KATNAL1: variants seen among roughly 807,000 people sequenced by gnomAD.
The protein encoded by KATNAL1 is katanin catalytic subunit A1 like 1, also known as katanin p60 ATPase-containing subunit A-like 1.
A neutral mutation model predicts 55.2 loss-of-function variants in KATNAL1; 32 were observed. The ratio of observed to expected loss-of-function variants is 0.58; its 90% CI spans 0.44 to 0.78. The LOEUF is 0.78. Ranked by LOEUF, KATNAL1 falls within the 30% of genes least tolerant of loss-of-function variation. The pLI is 0.00. For synonymous variants in KATNAL1, 193 were observed against 193.6 expected (o/e 1.00, Z 0.02); for missense variants, 466 against 600.9 (o/e 0.78, Z 2.35).
At chr13:30,269,480 G>A (rs1028029075) in intron 3 of KATNAL1, among the ~76,000 whole-genome samples, 2 of 152,190 alleles carry the variant, frequency 1.3e-5, no homozygotes, top group Non-Finnish European at 2.9e-5. Context: ...TGCAGTCTCT[G>A]CCCGGCCGCC....
chr13:30,265,095 T>C (rs1449092087), intron 3 of KATNAL1, among the ~76,000 whole-genome samples: 2 of 150,940 alleles, frequency 1.3e-5, no homozygotes, highest in African/African-American at 2.4e-5. Flanking sequence ...AAATTGGAAA[T>C]CATCATTCTC....
rs1052966291 is a variant in KATNAL1, at chr13:30,207,040, CTCTT to C, written c.*1496_*1499del. Reference sequence around the variant, plus strand: ...TTTTAGCAGGGAAAAATAATCAAATCTCTTTTTTTAAAAAAAACCTTCTTAGTAT... The same window carrying C: ...TTTTAGCAGGGAAAAATAATCAAATCTTTTTAAAAAAAACCTTCTTAGTAT... On this transcript the variant is annotated 3_prime_UTR_variant, in exon 11 of 11. Coordinates refer to ENST00000380615, the MANE Select transcript of KATNAL1 (RefSeq NM_032116.5). 2.0e-5 allele frequency: 3 copies of C among 152,128 alleles called. No individual in the cohort carries two copies. The highest frequency in any genetic ancestry group is 6.5e-5 in the Admixed American group (1 of 15,278). The allele number at this position is 152,128 out of a possible 1,614,324, so 9.4% of individuals were successfully genotyped here. A position where few individuals can be genotyped will look rare whatever the true frequency, so the allele number is the denominator to read the frequency against.
At chr13:30,215,011 C>T (rs1481882248) in intron 9 of KATNAL1, among the ~76,000 whole-genome samples, 3 of 151,934 alleles carry the variant, frequency 2.0e-5, no homozygotes. Context: ...AGAAAATTTT[C>T]ACAACCTACT....
At chr13:30,296,167 C>A in intron 1 of KATNAL1, 1 of 584,142 alleles carries the variant, frequency 1.7e-6, no homozygotes, top group Admixed American at 3.1e-5. Flanking sequence ...GTAATGCGTG[C>A]ATGGGAAAGC....
intron 3 of KATNAL1, among the ~76,000 whole-genome samples, chr13:30,256,962 A>G (rs559410852): frequency 6.6e-6 from 1 of 152,332 alleles, no homozygotes; most frequent in East Asian, 1.9e-4. Context: ...TGTGAAAGAA[A>G]TCCTCAGGAA....
At chr13:30,220,321 T>C (rs112379861) in intron 9 of KATNAL1, among the ~76,000 whole-genome samples, 6,223 of 151,670 alleles carry the variant, frequency 0.041, 174 homozygotes, top group African/African-American at 0.072. Flanking sequence ...GTTAGCTGGG[T>C]GTGGGGTCGT....
intron 1 of KATNAL1, among the ~76,000 whole-genome samples, chr13:30,297,958 A>G (rs900912196): frequency 6.6e-6 from 1 of 152,228 alleles, no homozygotes; most frequent in Non-Finnish European, 1.5e-5. Flanking sequence ...CCCAAACCTC[A>G]GCATCATGCA....
At chr13:30,276,231 A>G (rs1253491216) in intron 3 of KATNAL1, among the ~76,000 whole-genome samples, 1 of 152,246 alleles carries the variant, frequency 6.6e-6, no homozygotes, top group Admixed American at 6.5e-5. Context: ...GATTTATCCA[A>G]GCAACTGCTG....
chr13:30,282,468 T>C (rs1447137437), intron 2 of KATNAL1, among the ~76,000 whole-genome samples: 1 of 151,780 alleles, frequency 6.6e-6, no homozygotes, highest in African/African-American at 2.4e-5. Flanking sequence ...CAAGACTCAG[T>C]CCTTACAAAA....
chr13:30,270,488 A>C (rs1880244152), intron 3 of KATNAL1, among the ~76,000 whole-genome samples: 1 of 152,168 alleles, frequency 6.6e-6, no homozygotes, highest in Admixed American at 6.5e-5. Flanking sequence ...AAGCGGGGAA[A>C]GGTGGGGAAA....
In KATNAL1 at chr13:30,283,603, A is replaced by C. The variant is rs768159050; in HGVS notation, c.162+13T>G. The C allele has an allele frequency of 2.5e-6, 4 of 1,612,892 alleles. No homozygotes were observed. The South Asian group carries it at 4.4e-5, about 18-fold the overall frequency. ...GCCATCCTAACTCATCTAATACTTTAATACCATCTTACCTGTTGCCATTTG... is the reference window on the plus strand; with the variant it reads ...GCCATCCTAACTCATCTAATACTTTCATACCATCTTACCTGTTGCCATTTG... On this transcript the variant is annotated intron_variant, in intron 2 of 10. Transcript: ENST00000380615.
chr13:30,235,041 C>T (rs1876515501), intron 6 of KATNAL1, among the ~76,000 whole-genome samples: 1 of 152,182 alleles, frequency 6.6e-6, no homozygotes, highest in Admixed American at 6.6e-5. Flanking sequence ...GTGGTATCAA[C>T]TCAACCTCTG....
intron 1 of KATNAL1, among the ~76,000 whole-genome samples, chr13:30,286,890 G>C (rs1352034496): frequency 6.6e-6 from 1 of 152,222 alleles, no homozygotes; most frequent in Non-Finnish European, 1.5e-5. Context: ...TGGAGTCAAA[G>C]GAGATAATTT....
intron 4 of KATNAL1, among the ~76,000 whole-genome samples, chr13:30,249,362 T>TA (rs1314754378): frequency 6.6e-6 from 1 of 152,186 alleles, no homozygotes; most frequent in Non-Finnish European, 1.5e-5. Context: ...TAGTTTAATT[T>TA]ATGCATATCC....
At chr13:30,227,897 T>C (rs1248562520) in intron 8 of KATNAL1, among the ~76,000 whole-genome samples, 1 of 152,188 alleles carries the variant, frequency 6.6e-6, no homozygotes, top group East Asian at 1.9e-4. Flanking sequence ...ATTCCTCTTA[T>C]TTCTTTTAAA....
At chr13:30,248,995 C>G (rs1355752410) in intron 4 of KATNAL1, among the ~76,000 whole-genome samples, 1 of 151,088 alleles carries the variant, frequency 6.6e-6, no homozygotes, top group Non-Finnish European at 1.5e-5. Flanking sequence ...GGAGGCGGAG[C>G]TTGCAGTGAG....
chr13:30,216,380 G>T (rs1405601147), intron 9 of KATNAL1, among the ~76,000 whole-genome samples: 2 of 152,116 alleles, frequency 1.3e-5, no homozygotes, highest in African/African-American at 4.8e-5. Flanking sequence ...CGGGTAACAG[G>T]GCTGTCTGCT....
At chr13:30,231,291 A>T in intron 7 of KATNAL1, 23 bp downstream of exon 7, 2 of 1,589,628 alleles carry the variant, frequency 1.3e-6, no homozygotes, top group Non-Finnish European at 1.7e-6. Context: ...ACTACTTTGA[A>T]ATCTGAATAT....
At chr13:30,294,914 T>G (rs181008933) in intron 1 of KATNAL1, among the ~76,000 whole-genome samples, 1 of 152,350 alleles carries the variant, frequency 6.6e-6, no homozygotes, top group East Asian at 1.9e-4. Context: ...TAGCAAAGTC[T>G]AGATGACAGC....
Sources: gnomAD v4.1 joint callset for allele counts (sites outside exome capture counted in the v4.1 genomes callset) on GRCh38, gnomAD v4.1.1 for gene constraint, MANE v1.5 for transcripts, NCBI Gene and HGNC (gene_info 2026-07-23, HGNC 2026-07-21) for gene names.